GALNTL6: variants seen among roughly 807,000 people sequenced by gnomAD.
The protein encoded by GALNTL6 is polypeptide N-acetylgalactosaminyltransferase-like 6.
In GALNTL6, 46 loss-of-function variants were observed where a neutral mutation model predicts 73.7. The observed-to-expected ratio is 0.62, with a 90% confidence interval of 0.49 to 0.80. The LOEUF (loss-of-function observed/expected upper bound fraction) is 0.80. Ranked by LOEUF, GALNTL6 falls within the 30% of genes least tolerant of loss-of-function variation. The pLI is 0.00. For synonymous variants in GALNTL6, 259 were observed against 263.7 expected (o/e 0.98, Z 0.17); for missense variants, 604 against 755.0 (o/e 0.80, Z 2.34).
chr4:172,870,397 C>G (rs1265680669), intron 7 of GALNTL6, among the ~76,000 whole-genome samples: 1 of 152,086 alleles, frequency 6.6e-6, no homozygotes, highest in Non-Finnish European at 1.5e-5. Context: ...CCTTTTACTG[C>G]TGTAATTGTA....
At chr4:171,916,949 G>C (rs1737649382) in intron 2 of GALNTL6, among the ~76,000 whole-genome samples, 1 of 152,038 alleles carries the variant, frequency 6.6e-6, no homozygotes, top group Non-Finnish European at 1.5e-5. Flanking sequence ...CGCAGGGAGA[G>C]TTTAGGGATG....
chr4:172,172,636 A>G (rs1181772067), intron 2 of GALNTL6, among the ~76,000 whole-genome samples: 1 of 152,166 alleles, frequency 6.6e-6, no homozygotes, highest in African/African-American at 2.4e-5. Context: ...TTTCAACATC[A>G]TGATCTTAGA....
rs1244082322 is a variant in GALNTL6, at chr4:172,079,381, A to AT, written c.139-150271dup. On this transcript the variant is annotated intron_variant, in intron 2 of 12. Coordinates refer to ENST00000506823, the MANE Select transcript of GALNTL6 (RefSeq NM_001034845.3). ...GCCTGTATTATTGATTTTGTAGGTT[A>AT]TTTTAGATACTTTACTATTATATAT... is the stretch of plus-strand genomic sequence containing the variant. Among the ~76,000 whole-genome samples, 4 of 152,176 alleles carry AT rather than the reference A, an allele frequency of 2.6e-5. No individual in the cohort carries two copies. In the East Asian group the frequency reaches 7.7e-4, roughly 29 times the overall value.
At chr4:171,983,992 G>A (rs1324831577) in intron 2 of GALNTL6, among the ~76,000 whole-genome samples, 2 of 152,198 alleles carry the variant, frequency 1.3e-5, no homozygotes, top group Non-Finnish European at 1.5e-5. Flanking sequence ...GTGCCCAGCA[G>A]CATCTCAGGA....
At chr4:172,634,382 A>T (rs970643238) in intron 5 of GALNTL6, among the ~76,000 whole-genome samples, 6 of 152,166 alleles carry the variant, frequency 3.9e-5, no homozygotes, top group Non-Finnish European at 8.8e-5. Context: ...CCAGATTTTC[A>T]TCTTTACCTG....
chr4:171,989,207 G>T (rs1418397608), intron 2 of GALNTL6, among the ~76,000 whole-genome samples: 2 of 152,084 alleles, frequency 1.3e-5, no homozygotes, highest in South Asian at 4.2e-4. Flanking sequence ...GAAGGGGACG[G>T]ACTTACTTTC....
intron 8 of GALNTL6, among the ~76,000 whole-genome samples, chr4:172,924,084 G>A (rs374743265): frequency 6.6e-6 from 1 of 152,150 alleles, no homozygotes; most frequent in African/African-American, 2.4e-5. Flanking sequence ...AAGAAAAAAG[G>A]TGATGACTTA....
rs377125120 is a variant in GALNTL6 at position 172,270,236 on chromosome 4, A to G, written c.247+40472A>G. Among the ~76,000 whole-genome samples the G allele has an allele frequency of 2.0e-5, 3 of 151,756 alleles. No individual in the cohort carries two copies. In the East Asian group the frequency reaches 5.8e-4, roughly 29 times the overall value. The stretch of plus-strand genomic sequence containing the variant: ...GTGTGTTACAGGTTCTAATGCATCC[A>G]TATTCTTTAAGCACTCCCATTTTAT... On this transcript the variant is annotated intron_variant, in intron 3 of 12. Coordinates refer to ENST00000506823, the MANE Select transcript of GALNTL6 (RefSeq NM_001034845.3).
At chr4:172,242,557 T>C (rs1737480429) in intron 3 of GALNTL6, among the ~76,000 whole-genome samples, 1 of 152,210 alleles carries the variant, frequency 6.6e-6, no homozygotes, top group African/African-American at 2.4e-5. Context: ...TGAAACAGAT[T>C]ATACTCTCAT....
chr4:172,026,327 C>T (rs1741575900), intron 2 of GALNTL6, among the ~76,000 whole-genome samples: 1 of 151,892 alleles, frequency 6.6e-6, no homozygotes, highest in African/African-American at 2.4e-5. Flanking sequence ...TTTCCCCAGC[C>T]TCTTACTTTG....
intron 2 of GALNTL6, among the ~76,000 whole-genome samples, chr4:172,171,473 TA>T (rs1734823046): frequency 6.6e-6 from 1 of 152,046 alleles, no homozygotes; most frequent in African/African-American, 2.4e-5. Context: ...TTGAAGAACA[TA>T]ACAGTTCTAA....
chr4:172,425,020 A>T (rs1167379318), intron 5 of GALNTL6, among the ~76,000 whole-genome samples: 1 of 152,082 alleles, frequency 6.6e-6, no homozygotes, highest in Non-Finnish European at 1.5e-5. Context: ...TATTGCATCA[A>T]GGTTATTTTT....
chr4:172,185,899 C>G (rs892833924), intron 2 of GALNTL6, among the ~76,000 whole-genome samples: 14 of 152,202 alleles, frequency 9.2e-5, no homozygotes, highest in African/African-American at 3.4e-4. Flanking sequence ...AATATCTCAA[C>G]TATGCTAATG....
intron 2 of GALNTL6, among the ~76,000 whole-genome samples, chr4:172,080,776 G>A (rs1007323857): frequency 3.3e-5 from 5 of 151,586 alleles, no homozygotes; most frequent in Admixed American, 2.6e-4. Context: ...AGTTTTTATA[G>A]TGCATGAAAT....
intron 2 of GALNTL6, among the ~76,000 whole-genome samples, chr4:171,919,560 T>C (rs1737723230): frequency 6.6e-6 from 1 of 152,060 alleles, no homozygotes; most frequent in Non-Finnish European, 1.5e-5. Context: ...TGACCACCAC[T>C]TCCTCTTAGT....
At chr4:171,914,433 T>C (rs1737558474) in intron 2 of GALNTL6, among the ~76,000 whole-genome samples, 1 of 148,100 alleles carries the variant, frequency 6.8e-6, no homozygotes, top group Admixed American at 6.7e-5. Context: ...ATGTACTTTT[T>C]TTTTTTTTTT....
At chr4:172,299,618 G>A (rs1739829917) in intron 3 of GALNTL6, among the ~76,000 whole-genome samples, 2 of 152,114 alleles carry the variant, frequency 1.3e-5, no homozygotes, top group South Asian at 2.1e-4. Context: ...CCTTCATTTC[G>A]TTATGTACCC....
At chr4:171,896,920 A>G (rs1015962726) in intron 2 of GALNTL6, among the ~76,000 whole-genome samples, 4 of 152,218 alleles carry the variant, frequency 2.6e-5, no homozygotes, top group African/African-American at 9.6e-5. Flanking sequence ...AAACTAAGAA[A>G]AGCCAAGGAA....
intron 2 of GALNTL6, among the ~76,000 whole-genome samples, chr4:171,909,775 T>C (rs1009276342): frequency 6.6e-6 from 1 of 152,192 alleles, no homozygotes; most frequent in African/African-American, 2.4e-5. Context: ...AAAATGCTTT[T>C]CTATTTGTTA....
Sources: allele counts gnomAD v4.1 joint callset (sites outside exome capture counted in the v4.1 genomes callset), GRCh38; gene constraint gnomAD v4.1.1; transcripts MANE v1.5; gene names NCBI Gene and HGNC (gene_info 2026-07-23, HGNC 2026-07-21).